The following TRIOBP variants were observed in gnomAD, a reference collection of about 807,000 sequenced individuals.
The protein encoded by TRIOBP is TRIO and F-actin-binding protein.
Under a neutral mutation model 238.8 loss-of-function variants are expected in TRIOBP, and 169 were observed. The observed-to-expected ratio is 0.71, with a 90% CI of 0.62 to 0.80. The LOEUF (loss-of-function observed/expected upper bound fraction) is 0.80. Among genes scored for constraint, TRIOBP ranks in the 30% least tolerant of loss-of-function variants. TRIOBP has a pLI of 0.00. For missense variants in TRIOBP, 2,838 were observed against 3,122.6 expected, an observed-to-expected ratio of 0.91 and a Z score of 2.17; for synonymous variants, 1,150 against 1,274.4, an observed-to-expected ratio of 0.90 and a Z score of 2.08.
Position 37,757,947 on chromosome 22 carries a change from C to T in TRIOBP, c.6022C>T (p.Arg2008Trp), listed in dbSNP as rs772305308. ...PEVPAGEGPR[R>W]GLGAPLTEDQ... is the part of the protein sequence containing the mutation. ...GGTGCCTGCTGGTGAGGGGCCGCGCCGGGGCCTGGGTGCCCCCCTGACTGA... is the reference window on the plus strand; with the variant it reads ...GGTGCCTGCTGGTGAGGGGCCGCGCTGGGGCCTGGGTGCCCCCCTGACTGA... The change falls in exon 16 of 24, where the codon CGG becomes TGG. Residue 2008 changes from arginine to tryptophan, a missense_variant. Around this residue, in one of 5 missense-constraint regions of TRIOBP, gnomAD observed 2,096 missense variants for 2,137.4 expected, o/e 0.98. Coordinates refer to ENST00000644935, the MANE Select transcript of TRIOBP (RefSeq NM_001039141.3). The T allele has an allele frequency of 1.8e-5, 28 of 1,562,384 alleles. No individual in the cohort carries two copies. Among genetic ancestry groups the T allele is most frequent in the African/African-American group, 2.7e-5 (2 of 73,350 alleles).
At chr22:37,768,443 A>T (rs1926606788) in intron 19 of TRIOBP, among the ~76,000 whole-genome samples, 1 of 152,176 alleles carries the variant, frequency 6.6e-6, no homozygotes, top group Admixed American at 6.5e-5. Context: ...GCTGGGCTGC[A>T]GTGTCACTGT....
intron 18 of TRIOBP, among the ~76,000 whole-genome samples, chr22:37,766,573 T>A (rs1340325029): frequency 1.3e-5 from 2 of 152,192 alleles, no homozygotes. Flanking sequence ...GGCACTAAGG[T>A]TTCTGCTGTG....
At position 37,726,520 on chromosome 22, in the gene TRIOBP, G is replaced by C; in HGVS notation, c.3947+17G>C. 1 of 1,462,118 alleles carries C rather than the reference G, an allele frequency of 6.8e-7. No homozygotes were observed. Among genetic ancestry groups the C allele is most frequent in the East Asian group, 2.6e-5 (1 of 39,050 alleles). 90.6% of individuals were successfully genotyped at this position (1,462,118 alleles called of 1,614,324 possible). A position where few individuals can be genotyped will look rare whatever the true frequency, so the allele number is the denominator to read the frequency against. On this transcript the variant is annotated intron_variant, in intron 7 of 23. Transcript: ENST00000644935. ...AGAGCGCAGGTGAGCCCGGGGGTGG[G>C]GTCAGCCAGGTGGGCTGGGGAGGAG...
chr22:37,702,216 T>G (rs1157948314), intron 3 of TRIOBP, among the ~76,000 whole-genome samples: 1 of 152,152 alleles, frequency 6.6e-6, no homozygotes, highest in Non-Finnish European at 1.5e-5. Context: ...TTCTTTTTTT[T>G]GAGACAGAGT....
At chr22:37,770,480 C>T (rs1926720874) in intron 21 of TRIOBP, among the ~76,000 whole-genome samples, 1 of 149,656 alleles carries the variant, frequency 6.7e-6, no homozygotes, top group Non-Finnish European at 1.5e-5. Flanking sequence ...AAAAAAAAAG[C>T]GATTATCCTG....
intron 5 of TRIOBP, among the ~76,000 whole-genome samples, chr22:37,713,900 G>A (rs1035948041): frequency 2.6e-5 from 4 of 152,218 alleles, no homozygotes; most frequent in African/African-American, 7.2e-5. Context: ...TCCAGCATTT[G>A]CATTTTGAGG....
chr22:37,746,235 T>A, intron 11 of TRIOBP: 1 of 995,150 alleles, frequency 1.0e-6, no homozygotes, highest in Middle Eastern at 4.7e-4. Context: ...AAAAAAAAGT[T>A]TTATGGGCGG....
chr22:37,763,143 G>A (rs1926322878), intron 17 of TRIOBP, among the ~76,000 whole-genome samples: 1 of 152,164 alleles, frequency 6.6e-6, no homozygotes. Flanking sequence ...CTCTTCAGAA[G>A]AGCAGTGCCC....
At chr22:37,764,334 C>T (rs916548812) in intron 17 of TRIOBP, among the ~76,000 whole-genome samples, 7 of 152,178 alleles carry the variant, frequency 4.6e-5, no homozygotes, top group East Asian at 3.8e-4. Flanking sequence ...CAGGTCTGCA[C>T]GTTTGTTCCC....
chr22:37,715,952 G>T lies in TRIOBP; in HGVS notation c.628+18G>T, dbSNP rs376658402. ...AAAGGAGGGTGAGTCCTTCTGCCAG[G>T]TTGGTTCCCATGGTGATGGCCTGGG... On this transcript the variant is annotated intron_variant, in intron 6 of 23. Transcript: ENST00000644935. 340 of 1,611,760 alleles carry T rather than the reference G, an allele frequency of 2.1e-4. No individual in the cohort carries two copies. Among genetic ancestry groups the T allele is most frequent in the Non-Finnish European group, 2.3e-4 (275 of 1,179,764 alleles).
rs973242410 is a variant in TRIOBP at position 37,726,354 on chromosome 22, G to A, written c.3798G>A (p.Glu1266=). 1.2e-6 allele frequency: 2 copies of A among 1,609,236 alleles called. No individual in the cohort carries two copies. The highest frequency in any genetic ancestry group is 1.7e-6 in the Non-Finnish European group (2 of 1,178,228). The part of the protein sequence containing the change: ...APPGETRHNL[E]REEYTVLADL... ...CCGGGGAGACCAGGCACAACTTGGAGCGGGAGGAGTACACTGTGCTGGCCG... is the reference window on the plus strand; with the variant it reads ...CCGGGGAGACCAGGCACAACTTGGAACGGGAGGAGTACACTGTGCTGGCCG... Residue 1266 remains glutamate (E), a synonymous_variant, in exon 7 of 24, where the codon GAG becomes GAA. Transcript: ENST00000644935.
chr22:37,716,735 A>C (rs1923539785), intron 6 of TRIOBP, among the ~76,000 whole-genome samples: 1 of 152,228 alleles, frequency 6.6e-6, no homozygotes, highest in Admixed American at 6.5e-5. Context: ...GTAGGGAGCC[A>C]CCGAAGGTTT....
chr22:37,756,721 C>T (rs1261273072), intron 15 of TRIOBP, among the ~76,000 whole-genome samples: 1 of 152,260 alleles, frequency 6.6e-6, no homozygotes, highest in Admixed American at 6.5e-5. Flanking sequence ...CCTATAGTCA[C>T]ATGGCTACAA....
chr22:37,738,741 G>A (rs753481463), intron 10 of TRIOBP, 22 bp downstream of exon 10: 3 of 1,612,688 alleles, frequency 1.9e-6, no homozygotes, highest in Admixed American at 3.3e-5. Flanking sequence ...ATGGGTGTGG[G>A]TACATACGGT....
chr22:37,726,650 TTC>T, intron 7 of TRIOBP, 147 bp downstream of exon 7: 7 of 806,692 alleles, frequency 8.7e-6, no homozygotes, highest in Non-Finnish European at 3.6e-6. Context: ...ATCGCTCCAT[TTC>T]TCTGTTTCTG....
chr22:37,751,553 C>G, intron 11 of TRIOBP: 1 of 594,372 alleles, frequency 1.7e-6, no homozygotes. Flanking sequence ...CTTCTTGGCT[C>G]TCTGAGTGCC....
chr22:37,717,346 G>A (rs756342399), intron 6 of TRIOBP, among the ~76,000 whole-genome samples: 5 of 152,232 alleles, frequency 3.3e-5, no homozygotes, highest in East Asian at 1.9e-4. Flanking sequence ...AAAGAACAAA[G>A]CTTCCACAGC....
At chr22:37,758,233 G>T in intron 16 of TRIOBP, 95 bp downstream of exon 16, 1 of 1,486,566 alleles carries the variant, frequency 6.7e-7, no homozygotes, top group South Asian at 1.2e-5. Context: ...CACTCCTACA[G>T]TGATGGGGAG....
At position 37,735,179 on chromosome 22, in the gene TRIOBP, C is replaced by T. The variant is rs764662773; in HGVS notation, c.4843C>T (p.Pro1615Ser). The part of the protein sequence containing the change: ...LARALGPELG[P>S]PGTNDVPEQE... ...CAGGGCTTTAGGGCCAGAGCTGGGT[C>T]CCCCAGGCACAAACGATGTCCCTGA... The change falls in exon 9 of 24, where the codon CCC (proline) becomes TCC (serine). Residue 1615 changes from proline to serine, a missense_variant. Physicochemically the swap from Pro to Ser is moderately conservative, Grantham distance 74 (BLOSUM62 -1). Around this residue, in one of 5 missense-constraint regions of TRIOBP, gnomAD observed 2,096 missense variants for 2,137.4 expected, o/e 0.98. Coordinates refer to ENST00000644935, the MANE Select transcript of TRIOBP (RefSeq NM_001039141.3). 1.9e-6 allele frequency: 3 copies of T among 1,609,690 alleles called. No individual in the cohort carries two copies. The highest frequency in any genetic ancestry group is 2.2e-5 in the South Asian group (2 of 90,990).
Sources: allele counts gnomAD v4.1 joint callset (sites outside exome capture counted in the v4.1 genomes callset), GRCh38; gene constraint gnomAD v4.1.1; regional missense constraint gnomAD v4.1.1; transcripts MANE v1.5; gene names NCBI Gene and HGNC (gene_info 2026-07-23, HGNC 2026-07-21).